Variants in DNAJC15 observed in about 807,000 individuals in gnomAD.
DNAJC15 encodes the protein dnaJ homolog subfamily C member 15.
In DNAJC15, 27 loss-of-function variants were observed where a neutral mutation model predicts 22.4. The observed-to-expected ratio is 1.20, with a 90% CI of 0.89 to 1.66. DNAJC15 has a LOEUF of 1.66. DNAJC15 is among the 40% of genes most tolerant of loss of function. DNAJC15 has a pLI of 0.00. For missense variants in DNAJC15, 208 were observed against 187.1 expected, an observed-to-expected ratio of 1.11 and a Z score of -0.65; for synonymous variants, 79 against 63.2, an observed-to-expected ratio of 1.25 and a Z score of -1.19.
At chr13:43,052,481 G>C (rs1487232776) in intron 1 of DNAJC15, among the ~76,000 whole-genome samples, 1 of 151,638 alleles carries the variant, frequency 6.6e-6, no homozygotes, top group Non-Finnish European at 1.5e-5. Context: ...GCAGTGGTGT[G>C]ATCTCAGCTC....
intron 5 of DNAJC15, among the ~76,000 whole-genome samples, chr13:43,096,068 GGTTT>G (rs992342218): frequency 1.2e-4 from 18 of 152,032 alleles, no homozygotes; most frequent in African/African-American, 2.4e-4. Flanking sequence ...ATTTTTAGCA[GGTTT>G]GTTTGTCAGT....
chr13:43,061,683 C>A (rs1056254308), intron 1 of DNAJC15, among the ~76,000 whole-genome samples: 4 of 152,188 alleles, frequency 2.6e-5, no homozygotes, highest in Non-Finnish European at 5.9e-5. Context: ...ACATACTTTT[C>A]AATGACCAAA....
chr13:43,075,607 T>C (rs1410990122), intron 3 of DNAJC15, among the ~76,000 whole-genome samples: 1 of 151,596 alleles, frequency 6.6e-6, no homozygotes, highest in Non-Finnish European at 1.5e-5. Flanking sequence ...GAGTAACGTA[T>C]GCATCTAGTA....
At chr13:43,062,675 C>T (rs577933794) in intron 1 of DNAJC15, among the ~76,000 whole-genome samples, 3 of 152,130 alleles carry the variant, frequency 2.0e-5, no homozygotes, top group Non-Finnish European at 2.9e-5. Context: ...AAAAATGTTG[C>T]AATACTTAAT....
In DNAJC15 at chr13:43,052,854, G is replaced by T. The variant is rs2040512197; in HGVS notation, c.109-12832G>T. 2.6e-5 allele frequency among the ~76,000 whole-genome samples: 4 copies of T among 152,124 alleles called. 1 individual carries two copies. The highest frequency in any genetic ancestry group is 2.6e-4 in the Admixed American group (4 of 15,278). On this transcript the variant is annotated intron_variant, in intron 1 of 5. Transcript: ENST00000379221. ...CCCTACTCTGTGGGTTGTTTATTCT[G>T]CTGATTATTTCTTTTGCTGTGCAGA... is the stretch of plus-strand genomic sequence containing the variant.
intron 3 of DNAJC15, among the ~76,000 whole-genome samples, chr13:43,069,692 T>A (rs1352600883): frequency 1.3e-5 from 2 of 152,192 alleles, no homozygotes; most frequent in Non-Finnish European, 2.9e-5. Flanking sequence ...CAGAAGCAGA[T>A]CTGGGATAGA....
intron 5 of DNAJC15, among the ~76,000 whole-genome samples, chr13:43,088,845 T>C (rs1057158901): frequency 2.0e-4 from 31 of 152,168 alleles, no homozygotes; most frequent in African/African-American, 6.5e-4. Context: ...CTTGGTTTTT[T>C]TTTTTTTTTG....
At chr13:43,024,254 T>G (rs556362253) in intron 1 of DNAJC15, among the ~76,000 whole-genome samples, 22 of 150,912 alleles carry the variant, frequency 1.5e-4, no homozygotes, top group Non-Finnish European at 2.1e-4. Context: ...GTATTCAGGA[T>G]GAACTGTAGA....
chr13:43,056,031 T>C (rs1266987754), intron 1 of DNAJC15, among the ~76,000 whole-genome samples: 1 of 152,208 alleles, frequency 6.6e-6, no homozygotes, highest in Non-Finnish European at 1.5e-5. Context: ...ATTTAATTTC[T>C]ATGTATTTGC....
chr13:43,056,638 G>A (rs1238677158), intron 1 of DNAJC15, among the ~76,000 whole-genome samples: 2 of 152,168 alleles, frequency 1.3e-5, no homozygotes, highest in Non-Finnish European at 2.9e-5. Context: ...GTCCCCCACT[G>A]TTATTGTGTT....
intron 1 of DNAJC15, among the ~76,000 whole-genome samples, chr13:43,043,265 T>G (rs533401673): frequency 1.3e-5 from 2 of 152,114 alleles, no homozygotes; most frequent in South Asian, 2.1e-4. Context: ...GTGCCACCAC[T>G]CCCAGCTAAT....
At chr13:43,065,765 T>C in intron 2 of DNAJC15, 28 bp downstream of exon 2, 1 of 1,606,150 alleles carries the variant, frequency 6.2e-7, no homozygotes, top group Non-Finnish European at 8.5e-7. Context: ...TACCAATAAA[T>C]TGCAGGAGAA....
intron 1 of DNAJC15, among the ~76,000 whole-genome samples, chr13:43,028,260 G>A (rs1376537748): frequency 6.6e-6 from 1 of 152,158 alleles, no homozygotes; most frequent in African/African-American, 2.4e-5. Context: ...AGTCTTCCCT[G>A]AACATGCTGA....
At chr13:43,061,614 G>A (rs1189804553) in intron 1 of DNAJC15, among the ~76,000 whole-genome samples, 1 of 152,214 alleles carries the variant, frequency 6.6e-6, no homozygotes, top group Non-Finnish European at 1.5e-5. Context: ...TGAAGTGGGA[G>A]CAGGCATTTC....
At chr13:43,081,672 T>C (rs1379698269) in intron 4 of DNAJC15, among the ~76,000 whole-genome samples, 1 of 151,970 alleles carries the variant, frequency 6.6e-6, no homozygotes, top group Middle Eastern at 3.2e-3. Context: ...CTCCTGACTT[T>C]GTGATCCGCC....
intron 5 of DNAJC15, among the ~76,000 whole-genome samples, chr13:43,100,031 T>C (rs1184867219): frequency 6.6e-6 from 1 of 152,136 alleles, no homozygotes; most frequent in African/African-American, 2.4e-5. Flanking sequence ...GTTTTTTGTT[T>C]ACTGATTCAG....
Position 43,023,633 on chromosome 13 carries a change from G to A in DNAJC15, c.7G>A (p.Ala3Thr), listed in dbSNP as rs370149227. The A allele has an allele frequency of 5.0e-5, 80 of 1,610,360 alleles. No individual in the cohort carries two copies. Among genetic ancestry groups the A allele is most frequent in the Non-Finnish European group, 6.4e-5 (76 of 1,178,544 alleles). The change falls in exon 1 of 6, where the codon GCC (alanine) becomes ACC (threonine). Residue 3 changes from alanine (A) to threonine (T), a missense_variant. Transcript: ENST00000379221. ...GTCTCCGGGCCGCCTTGCCATGGCT[G>A]CCCGTGGTGTCATCGCTCCAGTTGG... MA[A>T]RGVIAPVGES...
intron 1 of DNAJC15, among the ~76,000 whole-genome samples, chr13:43,039,455 A>G (rs756314806): frequency 7.2e-5 from 11 of 152,186 alleles, no homozygotes; most frequent in Non-Finnish European, 1.0e-4. Context: ...GTTTCCAGAA[A>G]AGGTCAACAA....
chr13:43,076,472 A>G (rs1344516956), intron 3 of DNAJC15, among the ~76,000 whole-genome samples: 1 of 152,244 alleles, frequency 6.6e-6, no homozygotes, highest in African/African-American at 2.4e-5. Flanking sequence ...TTGTATAAAT[A>G]GCCTGTGCTC....
Sources: gnomAD v4.1 joint callset for allele counts (sites outside exome capture counted in the v4.1 genomes callset) on GRCh38, gnomAD v4.1.1 for gene constraint, MANE v1.5 for transcripts, NCBI Gene and HGNC (gene_info 2026-07-23, HGNC 2026-07-21) for gene names.